The following GNB4 variants were observed in gnomAD, a reference collection of about 807,000 sequenced individuals.
GNB4 encodes the protein guanine nucleotide-binding protein subunit beta-4.
In GNB4, 28 loss-of-function variants were observed where a neutral mutation model predicts 45.2. The ratio of observed to expected loss-of-function variants is 0.62; its 90% CI spans 0.46 to 0.85. The LOEUF is 0.85. GNB4 is among the 40% of genes least tolerant of loss of function. The pLI is 0.00. For missense variants in GNB4, 321 were observed against 425.4 expected (o/e 0.75, Z 2.16); for synonymous variants, 132 against 143.7 (o/e 0.92, Z 0.58).
chr3:179,478,268 C>T, the GNB4 span, among the ~76,000 whole-genome samples: 1 of 152,142 alleles, frequency 6.6e-6, no homozygotes, highest in Non-Finnish European at 1.5e-5. Flanking sequence ...CCTCTTAATA[C>T]CATCATAATG....
At chr3:179,426,290 T>C (rs967537086) in intron 1 of GNB4, 48 bp from the exon 2 acceptor site, 1 of 951,362 alleles carries the variant, frequency 1.1e-6, no homozygotes. Flanking sequence ...TCTACTTACA[T>C]CTTAATCTGG....
the GNB4 span, among the ~76,000 whole-genome samples, chr3:179,487,712 C>G: frequency 6.6e-6 from 1 of 152,036 alleles, no homozygotes; most frequent in Non-Finnish European, 1.5e-5. Context: ...TTGTTTTTCT[C>G]TAGCAGCTAA....
chr3:179,497,794 G>C, the GNB4 span, among the ~76,000 whole-genome samples: 11 of 152,032 alleles, frequency 7.2e-5, no homozygotes, highest in Non-Finnish European at 1.3e-4. Context: ...TATATGAAAA[G>C]ATTCTCAACA....
At chr3:179,513,617 A>G in the GNB4 span, among the ~76,000 whole-genome samples, 2 of 152,158 alleles carry the variant, frequency 1.3e-5, no homozygotes, top group African/African-American at 4.8e-5. Context: ...TTCCATAGGT[A>G]CCTGCAAAGC....
chr3:179,455,693 C>T (rs1295401076), upstream of GNB4, among the ~76,000 whole-genome samples: 1 of 152,214 alleles, frequency 6.6e-6, no homozygotes, highest in East Asian at 1.9e-4. Context: ...ATCTATTGCT[C>T]TATTCAAGTC....
chr3:179,492,761 G>A, the GNB4 span, among the ~76,000 whole-genome samples: 1 of 151,850 alleles, frequency 6.6e-6, no homozygotes, highest in African/African-American at 2.4e-5. Context: ...GGCTGCCTAT[G>A]TGCCTGCATG....
At position 179,419,314 on chromosome 3, in the gene GNB4, T is replaced by C. The variant is rs9877546; in HGVS notation, c.203+85A>G. On this transcript the variant is annotated intron_variant, in intron 4 of 9. Transcript: ENST00000232564. ...AACGCTTCATGAATATATTCTGTTT[T>C]TAAACAAAGAAAATGCAAATGATGG... 0.029 allele frequency: 25,867 copies of C among 896,558 alleles called. 1,748 individuals carry two copies. Among genetic ancestry groups the C allele is most frequent in the African/African-American group, 0.22 (13,442 of 60,486 alleles). The allele number at this position is 896,558 out of a possible 1,614,324, so 55.5% of individuals were successfully genotyped here. A position where few individuals can be genotyped will look rare whatever the true frequency, so the allele number is the denominator to read the frequency against.
the GNB4 span, among the ~76,000 whole-genome samples, chr3:179,518,553 C>G: frequency 1.8e-4 from 28 of 152,228 alleles, 1 homozygote; most frequent in South Asian, 5.6e-3. Context: ...TCAATTTTTC[C>G]TCAGCCTCCA....
intron 2 of GNB4, among the ~76,000 whole-genome samples, chr3:179,423,997 G>C (rs1486677563): frequency 6.6e-6 from 1 of 152,136 alleles, no homozygotes; most frequent in Non-Finnish European, 1.5e-5. Context: ...AAGGAGATGA[G>C]AAAGAGTAAT....
the GNB4 span, among the ~76,000 whole-genome samples, chr3:179,487,082 A>G: frequency 1.3e-5 from 2 of 152,220 alleles, no homozygotes; most frequent in Non-Finnish European, 2.9e-5. Context: ...ACATTTCATT[A>G]TTTCAAAATC....
At chr3:179,417,084 TA>T (rs766724088) in intron 4 of GNB4, among the ~76,000 whole-genome samples, 23 of 152,266 alleles carry the variant, frequency 1.5e-4, no homozygotes, top group Non-Finnish European at 3.2e-4. Context: ...AAGAGGGGTA[TA>T]AAATAAATGC....
chr3:179,472,209 C>T, the GNB4 span, among the ~76,000 whole-genome samples: 1 of 151,902 alleles, frequency 6.6e-6, no homozygotes, highest in Non-Finnish European at 1.5e-5. Flanking sequence ...GCAATAATAA[C>T]TGAAAAAATA....
intron 8 of GNB4, among the ~76,000 whole-genome samples, chr3:179,408,664 C>T (rs1410452975): frequency 2.0e-5 from 3 of 151,920 alleles, no homozygotes; most frequent in African/African-American, 4.8e-5. Context: ...TGGTAGTGTG[C>T]ACCTGTAGTC....
At chr3:179,444,680 C>G (rs942928573) in intron 1 of GNB4, among the ~76,000 whole-genome samples, 3 of 152,042 alleles carry the variant, frequency 2.0e-5, no homozygotes, top group Non-Finnish European at 4.4e-5. Flanking sequence ...CCACTGCACT[C>G]CAGTCTGTGT....
chr3:179,434,870 C>T (rs1251387462), intron 1 of GNB4, among the ~76,000 whole-genome samples: 2 of 152,070 alleles, frequency 1.3e-5, no homozygotes, highest in African/African-American at 2.4e-5. Context: ...GCTATGCCTG[C>T]ACCACTGTAC....
chr3:179,413,034 C>T (rs1373586581), intron 8 of GNB4, among the ~76,000 whole-genome samples: 1 of 151,732 alleles, frequency 6.6e-6, no homozygotes, highest in African/African-American at 2.4e-5. Context: ...ACAAAATTGG[C>T]CATGCATGGT....
chr3:179,526,720 A>C, the GNB4 span, among the ~76,000 whole-genome samples: 1 of 152,150 alleles, frequency 6.6e-6, no homozygotes, highest in Non-Finnish European at 1.5e-5. Flanking sequence ...ATCTAGATTG[A>C]GTTTTCTTAG....
intron 2 of GNB4, among the ~76,000 whole-genome samples, chr3:179,422,133 T>C (rs1349293331): frequency 6.6e-6 from 1 of 152,204 alleles, no homozygotes; most frequent in Admixed American, 6.5e-5. Context: ...TGAGCTTACA[T>C]TAATATTAGT....
At chr3:179,521,421 A>C in the GNB4 span, among the ~76,000 whole-genome samples, 1 of 152,182 alleles carries the variant, frequency 6.6e-6, no homozygotes, top group Non-Finnish European at 1.5e-5. Context: ...GGTACAGCCC[A>C]TTTGAGCTCC....
Sources: allele counts gnomAD v4.1 joint callset (sites outside exome capture counted in the v4.1 genomes callset), GRCh38; gene constraint gnomAD v4.1.1; transcripts MANE v1.5; gene names NCBI Gene and HGNC (gene_info 2026-07-23, HGNC 2026-07-21).